TP73: variants seen among roughly 807,000 people sequenced by gnomAD.
TP73 encodes p53-like transcription factor.
Under a neutral mutation model 62.5 loss-of-function variants are expected in TP73, and 25 were observed. The ratio of observed to expected loss-of-function variants is 0.40; its 90% CI spans 0.29 to 0.56. The LOEUF (loss-of-function observed/expected upper bound fraction) is 0.56. TP73 is among the 20% of genes least tolerant of loss of function. The pLI is 0.46. For missense variants in TP73, 754 were observed against 913.3 expected (o/e 0.83, Z 2.25); for synonymous variants, 423 against 377.5 (o/e 1.12, Z -1.40).
chr1:3,711,600 CAAG>C (rs1349003098), intron 4 of TP73, among the ~76,000 whole-genome samples: 2 of 152,332 alleles, frequency 1.3e-5, no homozygotes, highest in Non-Finnish European at 2.9e-5. Context: ...TGAGGTCAGG[CAAG>C]AAGGCAGTGT....
intron 3 of TP73, among the ~76,000 whole-genome samples, chr1:3,706,755 C>T (rs559373982): frequency 4.6e-5 from 7 of 152,190 alleles, no homozygotes; most frequent in South Asian, 2.1e-4. Context: ...GCTGGGGTCC[C>T]GGGGCGCCAC....
chr1:3,731,199 G>T, intron 12 of TP73, 134 bp downstream of exon 12: 1 of 1,303,818 alleles, frequency 7.7e-7, no homozygotes, highest in South Asian at 1.4e-5. Flanking sequence ...AGGCGGGCGG[G>T]GGCAGTCAGG....
intron 1 of TP73, among the ~76,000 whole-genome samples, chr1:3,676,596 G>A (rs917809051): frequency 6.6e-6 from 1 of 151,886 alleles, no homozygotes; most frequent in East Asian, 1.9e-4. Flanking sequence ...GCCCCTCACC[G>A]GCTGCGGACT....
At position 3,658,581 on chromosome 1, in the gene TP73, C is replaced by T. The variant is rs1464033715; in HGVS notation, c.-34+5940C>T. On this transcript the variant is annotated intron_variant, in intron 1 of 13. Coordinates refer to ENST00000378295, the MANE Select transcript of TP73 (RefSeq NM_005427.4). ...CTCATGGTGAGAAAATGCGTCTTGG[C>T]GCGCGGCTCTCTTCCTGGCACACAG... Among the ~76,000 whole-genome samples the T allele has an allele frequency of 3.9e-5, 6 of 152,180 alleles. No homozygotes were observed. In the East Asian group the frequency reaches 9.6e-4, roughly 24 times the overall value.
At chr1:3,682,488 C>G in intron 2 of TP73, 58 bp downstream of exon 2, 1 of 1,389,690 alleles carries the variant, frequency 7.2e-7, no homozygotes. Context: ...TCTGGGCTAG[C>G]CTCAGCCACC....
At chr1:3,688,719 G>T (rs1434021081) in intron 3 of TP73, among the ~76,000 whole-genome samples, 1 of 152,190 alleles carries the variant, frequency 6.6e-6, no homozygotes, top group Non-Finnish European at 1.5e-5. Context: ...AGTGGTTTTG[G>T]GTGCTTTTGA....
At position 3,663,433 on chromosome 1, in the gene TP73, C is replaced by T. The variant is rs919209669; in HGVS notation, c.-34+10792C>T. 1.1e-4 allele frequency among the ~76,000 whole-genome samples: 16 copies of T among 152,172 alleles called. No homozygotes were observed. The highest frequency in any genetic ancestry group is 2.2e-4 in the African/African-American group (9 of 41,500). On this transcript the variant is annotated intron_variant, in intron 1 of 13. Coordinates refer to ENST00000378295, the MANE Select transcript of TP73 (RefSeq NM_005427.4). The surrounding 1 kb of genome is among the most constrained non-coding windows in gnomAD (Gnocchi z 4.7). ...ACGGAGCGTGATGAAAGGATACAGG[C>T]GGCTGGGCGTGGTGGCTCACGCCTG... is the stretch of plus-strand genomic sequence containing the variant.
At chr1:3,706,863 G>A (rs762124922) in intron 3 of TP73, among the ~76,000 whole-genome samples, 4 of 152,126 alleles carry the variant, frequency 2.6e-5, no homozygotes, top group East Asian at 1.9e-4. Context: ...AGAGAACCCC[G>A]GGCCAGGGGG....
chr1:3,730,453 A>G (rs1265177285), intron 11 of TP73, among the ~76,000 whole-genome samples: 1 of 152,190 alleles, frequency 6.6e-6, no homozygotes, highest in Non-Finnish European at 1.5e-5. Flanking sequence ...CCCCATCAGC[A>G]AATGGCCACA....
intron 10 of TP73, 131 bp downstream of exon 10, chr1:3,729,579 C>A: frequency 2.0e-6 from 3 of 1,484,964 alleles, no homozygotes; most frequent in Non-Finnish European, 2.8e-6. Flanking sequence ...GGGTCCAGAG[C>A]AGAGCCCACC....
Position 3,732,923 on chromosome 1 carries a change from C to G in TP73, c.1755C>G (p.Ala585=), listed in dbSNP as rs373711960. 32 of 1,610,466 alleles carry G rather than the reference C, an allele frequency of 2.0e-5. No individual in the cohort carries two copies. Among genetic ancestry groups the G allele is most frequent in the Admixed American group, 8.4e-5 (5 of 59,860 alleles). ...TGCAGCGCCAGCGGGTCATGGAGGC[C>G]GTGCACTTCCGCGTGCGCCACACCA... ...GELQRQRVME[A]VHFRVRHTIT... Residue 585 remains alanine (A), a synonymous_variant, in exon 14 of 14, where the codon GCC becomes GCG. Coordinates refer to ENST00000378295, the MANE Select transcript of TP73 (RefSeq NM_005427.4).
At chr1:3,706,906 G>A (rs765739619) in intron 3 of TP73, among the ~76,000 whole-genome samples, 18 of 152,180 alleles carry the variant, frequency 1.2e-4, no homozygotes, top group African/African-American at 2.7e-4. Flanking sequence ...GCCCCTGAGC[G>A]TGGAGCGGCC....
At chr1:3,713,568 G>T (rs1640341653) in intron 4 of TP73, among the ~76,000 whole-genome samples, 1 of 152,158 alleles carries the variant, frequency 6.6e-6, no homozygotes, top group African/African-American at 2.4e-5. Context: ...CCAGGCCAGT[G>T]GTCACTTCTG....
At chr1:3,669,736 G>A (rs1053538420) in intron 1 of TP73, among the ~76,000 whole-genome samples, 2 of 152,270 alleles carry the variant, frequency 1.3e-5, no homozygotes, top group Non-Finnish European at 2.9e-5. Context: ...AAGGGGCTGG[G>A]CATGTCCTGT....
intron 1 of TP73, among the ~76,000 whole-genome samples, chr1:3,680,427 G>A (rs1454883325): frequency 1.3e-5 from 2 of 152,132 alleles, no homozygotes; most frequent in Admixed American, 6.5e-5. Context: ...GACTCAGGTG[G>A]CCCATCTACA....
chr1:3,727,227 G>A lies in TP73; in HGVS notation c.842+3G>A. ...ATCATCACCCTGGAGATGCGGGAGTGAGTCCCGGGCACACGGGGTGGAGGT... is the reference window on the plus strand; with the variant it reads ...ATCATCACCCTGGAGATGCGGGAGTAAGTCCCGGGCACACGGGGTGGAGGT... On this transcript the variant is annotated splice_donor_region_variant and intron_variant, in intron 7 of 13. Transcript: ENST00000378295. The A allele has an allele frequency of 9.9e-6, 16 of 1,611,380 alleles. No homozygotes were observed. The highest frequency in any genetic ancestry group is 1.3e-5 in the African/African-American group (1 of 75,002).
intron 3 of TP73, among the ~76,000 whole-genome samples, chr1:3,694,345 G>A (rs74332335): frequency 9.4e-5 from 2 of 21,232 alleles, no homozygotes; most frequent in African/African-American, 2.7e-4. Flanking sequence ...TGCAGCCTCC[G>A]CCCCTCCTCC....
intron 10 of TP73, 38 bp from the exon 11 acceptor site, chr1:3,729,962 C>T (rs1295009322): frequency 2.6e-6 from 4 of 1,551,468 alleles, no homozygotes; most frequent in Non-Finnish European, 3.5e-6. Context: ...ACGAGGCTGC[C>T]TTGCTTCCCA....
chr1:3,653,412 C>T (rs1008793577), intron 1 of TP73, among the ~76,000 whole-genome samples: 1 of 152,248 alleles, frequency 6.6e-6, no homozygotes, highest in African/African-American at 2.4e-5. Context: ...GCGATGATTA[C>T]CTTTGCTCAG....
Sources: allele counts gnomAD v4.1 joint callset (sites outside exome capture counted in the v4.1 genomes callset), GRCh38; gene constraint gnomAD v4.1.1; non-coding constraint Gnocchi (gnomAD v3.1); transcripts MANE v1.5; gene names NCBI Gene and HGNC (gene_info 2026-07-23, HGNC 2026-07-21).